The following DYM variants were observed in gnomAD, a reference collection of about 807,000 sequenced individuals.
The protein encoded by DYM is dymeclin, also known as dyggve-Melchior-Clausen syndrome protein.
In DYM, 78 loss-of-function variants were observed where a neutral mutation model predicts 93.1. That is an observed-to-expected ratio of 0.84 (90% CI 0.70 to 1.01). DYM has a LOEUF of 1.01. DYM is among the 50% of genes least tolerant of loss of function. The probability of loss-of-function intolerance (pLI) is 0.00; values close to 1 mark genes in which losing one functional copy is unlikely to be tolerated. For missense variants in DYM, 789 were observed against 845.0 expected, an observed-to-expected ratio of 0.93 and a Z score of 0.82; for synonymous variants, 321 against 319.7, an observed-to-expected ratio of 1.00 and a Z score of -0.04.
chr18:49,179,553 G>GTGA (rs376826679), intron 14 of DYM, among the ~76,000 whole-genome samples: 8 of 151,890 alleles, frequency 5.3e-5, no homozygotes, highest in Admixed American at 2.0e-4. Flanking sequence ...TTATTTTGTT[G>GTGA]TGATGATGAT....
intron 17 of DYM, among the ~76,000 whole-genome samples, chr18:49,095,729 C>G (rs1238939948): frequency 6.6e-6 from 1 of 152,140 alleles, no homozygotes; most frequent in Non-Finnish European, 1.5e-5. Context: ...TTATATGTCA[C>G]TGTCTCAAAT....
chr18:49,436,755 C>G (rs1047456958), intron 1 of DYM, among the ~76,000 whole-genome samples: 4 of 152,016 alleles, frequency 2.6e-5, no homozygotes, highest in Admixed American at 6.6e-5. Context: ...AATATGGGTC[C>G]TCCTGGCTCT....
chr18:49,163,910 T>C, intron 14 of DYM, 123 bp from the exon 15 acceptor site: 1 of 690,504 alleles, frequency 1.4e-6, no homozygotes, highest in Non-Finnish European at 2.6e-6. Flanking sequence ...TGATTCTTTC[T>C]TCATGCCTGT....
chr18:49,179,888 T>C (rs758401843), intron 14 of DYM, among the ~76,000 whole-genome samples: 1 of 152,184 alleles, frequency 6.6e-6, no homozygotes, highest in Non-Finnish European at 1.5e-5. Context: ...AAAGATACTT[T>C]ATTCAAAGCA....
chr18:49,316,213 C>T (rs889633492), intron 8 of DYM, among the ~76,000 whole-genome samples: 14 of 151,976 alleles, frequency 9.2e-5, no homozygotes, highest in South Asian at 4.1e-4. Context: ...ACCTGGGAGG[C>T]GGAGGTTGCA....
At chr18:49,067,218 C>A (rs113850717) in intron 17 of DYM, among the ~76,000 whole-genome samples, 2 of 7,614 alleles carry the variant, frequency 2.6e-4, no homozygotes, top group African/African-American at 8.8e-4. Flanking sequence ...GAGCACTATG[C>A]AGGTTCAGTA....
At chr18:49,079,848 C>G (rs1039683728) in intron 17 of DYM, among the ~76,000 whole-genome samples, 9 of 151,652 alleles carry the variant, frequency 5.9e-5, no homozygotes, top group African/African-American at 2.2e-4. Context: ...CAATCTTTTC[C>G]CCACCTTCCC....
At chr18:49,297,507 T>C in intron 8 of DYM, among the ~76,000 whole-genome samples, 1 of 152,204 alleles carries the variant, frequency 6.6e-6, no homozygotes, top group East Asian at 1.9e-4. Flanking sequence ...TTATAATAAT[T>C]ACTTGAGCCA....
intron 1 of DYM, among the ~76,000 whole-genome samples, chr18:49,458,565 A>C (rs1042256695): frequency 1.3e-5 from 2 of 152,184 alleles, no homozygotes; most frequent in African/African-American, 4.8e-5. Flanking sequence ...GGCCAGGTGC[A>C]GTGGCTCACC....
intron 11 of DYM, among the ~76,000 whole-genome samples, chr18:49,259,920 CTG>C (rs1302981475): frequency 6.6e-6 from 1 of 152,008 alleles, no homozygotes; most frequent in Non-Finnish European, 1.5e-5. Flanking sequence ...AAATAATAAA[CTG>C]TGAAACTGAA....
chr18:49,118,569 T>C (rs1359305277), intron 16 of DYM, 175 bp downstream of exon 16: 4 of 639,390 alleles, frequency 6.3e-6, no homozygotes, highest in Non-Finnish European at 1.1e-5. Flanking sequence ...TGTATGTGTG[T>C]GTATATACAA....
intron 2 of DYM, among the ~76,000 whole-genome samples, chr18:49,419,354 G>C (rs1324202101): frequency 6.6e-6 from 1 of 151,818 alleles, no homozygotes; most frequent in Non-Finnish European, 1.5e-5. Context: ...GCAAGACTCT[G>C]TCTCAAAAAT....
At chr18:49,274,254 T>C (rs543741505) in intron 10 of DYM, among the ~76,000 whole-genome samples, 1 of 152,244 alleles carries the variant, frequency 6.6e-6, no homozygotes, top group South Asian at 2.1e-4. Flanking sequence ...ATACACTACG[T>C]AGATTTTTGT....
At chr18:49,438,055 C>T (rs759677320) in intron 1 of DYM, among the ~76,000 whole-genome samples, 1 of 151,994 alleles carries the variant, frequency 6.6e-6, no homozygotes, top group Non-Finnish European at 1.5e-5. Flanking sequence ...GGCGTGGTGG[C>T]ACAAGCCTGT....
chr18:49,383,386 C>T (rs1370051488), intron 3 of DYM, among the ~76,000 whole-genome samples: 1 of 152,050 alleles, frequency 6.6e-6, no homozygotes, highest in Non-Finnish European at 1.5e-5. Flanking sequence ...TACAGATGTT[C>T]AATCTGGGAA....
chr18:49,389,575 C>T (rs916025607), intron 3 of DYM, among the ~76,000 whole-genome samples: 2 of 152,104 alleles, frequency 1.3e-5, no homozygotes, highest in Admixed American at 6.6e-5. Context: ...TGGTTCCCTG[C>T]AGCCTCAAAT....
intron 15 of DYM, among the ~76,000 whole-genome samples, chr18:49,123,348 A>G (rs1034570113): frequency 2.0e-5 from 3 of 152,278 alleles, no homozygotes; most frequent in African/African-American, 4.8e-5. Context: ...CAATCATACT[A>G]AAGACAGTAC....
intron 16 of DYM, among the ~76,000 whole-genome samples, chr18:49,102,737 A>G (rs2080306066): frequency 6.6e-6 from 1 of 152,168 alleles, no homozygotes; most frequent in Non-Finnish European, 1.5e-5. Context: ...CCTACAAAGG[A>G]CATGAACTCA....
At chr18:49,230,883 A>T (rs1174676708) in intron 13 of DYM, among the ~76,000 whole-genome samples, 1 of 152,224 alleles carries the variant, frequency 6.6e-6, no homozygotes, top group Non-Finnish European at 1.5e-5. Flanking sequence ...AAAACTCAAT[A>T]ACCTATATGT....
Sources: gnomAD v4.1 joint callset for allele counts (sites outside exome capture counted in the v4.1 genomes callset) on GRCh38, gnomAD v4.1.1 for gene constraint, MANE v1.5 for transcripts, NCBI Gene and HGNC (gene_info 2026-07-23, HGNC 2026-07-21) for gene names.